Variants in RGS9 observed in about 807,000 individuals in gnomAD.
The protein encoded by RGS9 is regulator of G-protein signalling 9.
In RGS9, 78 loss-of-function variants were observed where a neutral mutation model predicts 102.0. The observed-to-expected ratio is 0.76, with a 90% CI of 0.64 to 0.92. The LOEUF (loss-of-function observed/expected upper bound fraction) is 0.92, where lower values mean the gene tolerates loss of function less well. RGS9 is among the 40% of genes least tolerant of loss of function. The pLI is 0.00. For synonymous variants in RGS9, 353 were observed against 318.6 expected (o/e 1.11, Z -1.15); for missense variants, 833 against 866.1 (o/e 0.96, Z 0.48).
intron 17 of RGS9, among the ~76,000 whole-genome samples, chr17:65,220,648 C>T (rs1048162471): frequency 2.6e-5 from 4 of 152,206 alleles, no homozygotes; most frequent in African/African-American, 7.2e-5. Flanking sequence ...CTAAATGTGG[C>T]CCTCTGCTCA....
rs1270390008 is a variant in RGS9 at position 65,167,674 on chromosome 17, ATGT to A, written c.501-521_501-519del. ...TTGCCTGCCTGACCAGACGTTGACT[ATGT>A]TGTTTGCCCAAACAGGGAAAAGTTA... On this transcript the variant is annotated intron_variant, in intron 7 of 18. Transcript: ENST00000262406. Among the ~76,000 whole-genome samples the A allele has an allele frequency of 2.0e-5, 3 of 152,266 alleles. No individual in the cohort carries two copies. In the East Asian group the frequency reaches 5.8e-4, roughly 29 times the overall value.
intron 6 of RGS9, among the ~76,000 whole-genome samples, chr17:65,161,555 A>G (rs1474967820): frequency 1.3e-5 from 2 of 151,320 alleles, no homozygotes; most frequent in African/African-American, 2.4e-5. Context: ...CCTGGCCCGA[A>G]CTTCAATTTA....
At chr17:65,141,778 C>T (rs549761964) in intron 1 of RGS9, among the ~76,000 whole-genome samples, 10 of 152,066 alleles carry the variant, frequency 6.6e-5, no homozygotes, top group African/African-American at 2.4e-4. Flanking sequence ...GCAATGGAGT[C>T]GAATTATAAA....
rs142345483 is a variant in RGS9 at position 65,226,617 on chromosome 17, GT to G, written c.1893-645del. 2.1e-3 allele frequency among the ~76,000 whole-genome samples: 304 copies of G among 142,108 alleles called. 2 individuals carry two copies. In the East Asian group the frequency reaches 0.033, roughly 15 times the overall value. 93.2% of individuals were successfully genotyped at this position (142,108 alleles called of 152,430 possible). The stretch of plus-strand genomic sequence containing the variant: ...AAGGCAGTTTTTTGTTTGTCTGGGT[GT>G]TTTTTTTTTTTTGAGATGGAGTTTT... On this transcript the variant is annotated intron_variant, in intron 18 of 18. Coordinates refer to ENST00000262406, the MANE Select transcript of RGS9 (RefSeq NM_003835.4).
intron 8 of RGS9, among the ~76,000 whole-genome samples, chr17:65,176,350 C>G (rs1911623152): frequency 6.6e-6 from 1 of 152,184 alleles, no homozygotes; most frequent in Non-Finnish European, 1.5e-5. Flanking sequence ...CTGTGGAGAG[C>G]TTCACACCCT....
chr17:65,183,892 G>T (rs7208808), intron 9 of RGS9, among the ~76,000 whole-genome samples: 2 of 152,164 alleles, frequency 1.3e-5, no homozygotes, highest in Non-Finnish European at 2.9e-5. Context: ...CCAGTCAGCC[G>T]GCCCAGAGCT....
intron 7 of RGS9, among the ~76,000 whole-genome samples, chr17:65,164,447 C>T (rs150339944): frequency 1.1e-3 from 173 of 152,236 alleles, no homozygotes; most frequent in African/African-American, 3.8e-3. Context: ...TCTGGTGACC[C>T]GCACCAGTGA....
At chr17:65,170,063 T>TC (rs1357793358) in intron 8 of RGS9, among the ~76,000 whole-genome samples, 1 of 148,916 alleles carries the variant, frequency 6.7e-6, no homozygotes, top group Non-Finnish European at 1.5e-5. Flanking sequence ...TTTTTTTTTT[T>TC]TTTTTTTCTG....
Position 65,160,261 on chromosome 17 carries a change from C to T in RGS9, c.234C>T (p.Val78=), listed in dbSNP as rs1293246252. 1.9e-6 allele frequency: 3 copies of T among 1,613,994 alleles called. No individual in the cohort carries two copies. The African/African-American group carries it at 4.0e-5, about 22-fold the overall frequency. ...LEAQNLGNFI[V]RYGYIYPLQD... ...CACAGAACTTGGGCAACTTTATTGT[C>T]AGGTATGGCTACATTTACCCCCTGC... The change falls in exon 4 of 19, where the codon GTC becomes GTT. Residue 78 remains valine (V), a synonymous_variant. Transcript: ENST00000262406.
Position 65,215,482 on chromosome 17 carries a change from TTCTTTCG to T in RGS9, c.1407+4879_1407+4885del, listed in dbSNP as rs1567893188. 3.1e-3 allele frequency among the ~76,000 whole-genome samples: 357 copies of T among 115,260 alleles called. 3 individuals carry two copies. Among genetic ancestry groups the T allele is most frequent in the African/African-American group, 0.013 (341 of 25,708 alleles). 75.6% of individuals were successfully genotyped at this position (115,260 alleles called of 152,430 possible). On this transcript the variant is annotated intron_variant, in intron 17 of 18. Coordinates refer to ENST00000262406, the MANE Select transcript of RGS9 (RefSeq NM_003835.4). ...TCTTTCTTTCTTTCTTTCTCTATCT[TTCTTTCG>T]TTCTTTCGTTCTTTCTTTCTTTCTT...
chr17:65,172,785 G>A (rs79131455), intron 8 of RGS9, among the ~76,000 whole-genome samples: 1 of 152,238 alleles, frequency 6.6e-6, no homozygotes, highest in Admixed American at 6.5e-5. Context: ...GCGTCCGGTT[G>A]GGGGTCAGGG....
chr17:65,203,595 G>A (rs1459320607), intron 14 of RGS9, among the ~76,000 whole-genome samples: 5 of 152,224 alleles, frequency 3.3e-5, no homozygotes, highest in Admixed American at 6.5e-5. Flanking sequence ...TCTGCATCCC[G>A]ACATCCCAGG....
At chr17:65,159,184 C>T (rs970973471) in intron 3 of RGS9, among the ~76,000 whole-genome samples, 1 of 149,704 alleles carries the variant, frequency 6.7e-6, no homozygotes, top group Non-Finnish European at 1.5e-5. Flanking sequence ...GAGAACAACC[C>T]CCCCTTTTTC....
chr17:65,164,423 G>C (rs751661531), intron 7 of RGS9, among the ~76,000 whole-genome samples: 27 of 152,300 alleles, frequency 1.8e-4, no homozygotes, highest in Admixed American at 5.9e-4. Context: ...TGAGAAGAGG[G>C]ACAGCTGGGA....
At chr17:65,166,080 C>T (rs1911170318) in intron 7 of RGS9, among the ~76,000 whole-genome samples, 1 of 152,140 alleles carries the variant, frequency 6.6e-6, no homozygotes, top group African/African-American at 2.4e-5. Flanking sequence ...CTTGAGCTAC[C>T]TCACAGCATG....
intron 17 of RGS9, among the ~76,000 whole-genome samples, chr17:65,222,131 T>A (rs1304675570): frequency 6.6e-6 from 1 of 152,262 alleles, no homozygotes; most frequent in Non-Finnish European, 1.5e-5. Context: ...GGTCACTGTC[T>A]TCTTGCTGGC....
intron 2 of RGS9, among the ~76,000 whole-genome samples, chr17:65,157,768 G>A (rs746638262): frequency 2.0e-5 from 3 of 152,036 alleles, no homozygotes; most frequent in African/African-American, 4.8e-5. Context: ...CTGACTCCTC[G>A]GAGTTCTGCC....
chr17:65,185,016 A>G lies in RGS9; in HGVS notation c.655-4270A>G, dbSNP rs536888931. ...TCCAGTAGTTGCTGGGACCACAGGC[A>G]TGTACCACCATCCATACTCTTTCCT... On this transcript the variant is annotated intron_variant, in intron 9 of 18. Coordinates refer to ENST00000262406, the MANE Select transcript of RGS9 (RefSeq NM_003835.4). Among the ~76,000 whole-genome samples the G allele has an allele frequency of 2.6e-5, 4 of 152,190 alleles. No homozygotes were observed. The South Asian group carries it at 8.3e-4, about 32-fold the overall frequency.
chr17:65,206,674 C>A (rs1913076232), intron 15 of RGS9, among the ~76,000 whole-genome samples: 1 of 151,964 alleles, frequency 6.6e-6, no homozygotes, highest in Admixed American at 6.6e-5. Context: ...GAAACTCCGT[C>A]TCAAAAAACA....
Sources: gnomAD v4.1 joint callset for allele counts (sites outside exome capture counted in the v4.1 genomes callset) on GRCh38, gnomAD v4.1.1 for gene constraint, MANE v1.5 for transcripts, NCBI Gene and HGNC (gene_info 2026-07-23, HGNC 2026-07-21) for gene names.